Variants in SEMA3A observed in about 807,000 individuals in gnomAD.
The protein encoded by SEMA3A is semaphorin-3A.
SEMA3A carries 29 observed loss-of-function variants against 97.9 expected under a neutral mutation model. That is an observed-to-expected ratio of 0.30 (90% CI 0.22 to 0.40). The LOEUF is 0.40. Among genes scored for constraint, SEMA3A ranks in the 10% least tolerant of loss-of-function variants. The probability of loss-of-function intolerance (pLI) is 1.00; values close to 1 mark genes in which losing one functional copy is unlikely to be tolerated. For missense variants in SEMA3A, 763 were observed against 951.3 expected (o/e 0.80, Z 2.60); for synonymous variants, 321 against 323.7 (o/e 0.99, Z 0.09).
chr7:84,449,298 C>T (rs951124096), intron 1 of SEMA3A, among the ~76,000 whole-genome samples: 22 of 152,026 alleles, frequency 1.4e-4, no homozygotes, highest in Non-Finnish European at 2.8e-4. Flanking sequence ...AATCACTTAT[C>T]CAAGCAGCCA....
chr7:84,234,588 A>T, intron 3 of SEMA3A, among the ~76,000 whole-genome samples: 1 of 151,936 alleles, frequency 6.6e-6, no homozygotes, highest in East Asian at 1.9e-4. Context: ...GGAGTCTTTG[A>T]ACCATACCCT....
rs34970127 is a variant in SEMA3A, at chr7:84,432,860, ATTTTT to A, written c.-246+59595_-246+59599del. On this transcript the variant is annotated intron_variant, in intron 1 of 3. Coordinates refer to the SEMA3A transcript ENST00000424555. ...TGCTGTGATGAACATACAAATGTGA[ATTTTT>A]TTTTTTTTTTTTGTAGAACAATTTA... 1.1e-4 allele frequency among the ~76,000 whole-genome samples: 15 copies of A among 138,942 alleles called. 1 individual carries two copies. The highest frequency in any genetic ancestry group is 3.9e-4 in the African/African-American group (15 of 38,044). The allele number at this position is 138,942 out of a possible 152,430, so 91.2% of individuals were successfully genotyped here.
At chr7:84,027,366 A>T (rs1319255664) in intron 6 of SEMA3A, among the ~76,000 whole-genome samples, 1 of 152,168 alleles carries the variant, frequency 6.6e-6, no homozygotes, top group Non-Finnish European at 1.5e-5. Flanking sequence ...TTTCAAATAT[A>T]TTTCACGAGT....
Position 84,046,303 on chromosome 7 carries a change from G to GATA in SEMA3A, c.667+20_667+21insTAT, listed in dbSNP as rs1562994067. On this transcript the variant is annotated intron_variant, in intron 6 of 16. Transcript: ENST00000265362. ...ACAGTTACACATGTTACATGTCTATGTTCTTTCATAAACCACCTACCATTG... is the reference window on the plus strand; with the variant it reads ...ACAGTTACACATGTTACATGTCTATGATATTCTTTCATAAACCACCTACCATTG... The GATA allele has an allele frequency of 3.7e-6, 6 of 1,611,834 alleles. No individual in the cohort carries two copies. The East Asian group carries it at 1.3e-4, about 36-fold the overall frequency.
chr7:84,164,866 T>C lies in SEMA3A; in HGVS notation c.112+29609A>G, dbSNP rs543293845. Among the ~76,000 whole-genome samples the C allele has an allele frequency of 5.3e-5, 8 of 152,262 alleles. No homozygotes were observed. In the East Asian group the frequency reaches 1.5e-3, roughly 29 times the overall value. On this transcript the variant is annotated intron_variant, in intron 1 of 16. Transcript: ENST00000265362. The stretch of plus-strand genomic sequence containing the variant: ...AAGAATCTGCATTTTAATATAATTA[T>C]ATAAAGAGCTCACCAAGGAAAATTA...
At chr7:83,977,796 T>TC (rs985624951) in intron 14 of SEMA3A, among the ~76,000 whole-genome samples, 2 of 151,054 alleles carry the variant, frequency 1.3e-5, no homozygotes, top group African/African-American at 4.8e-5. Flanking sequence ...TCCTTTTTTT[T>TC]TTTCTTTCTT....
At chr7:84,323,562 A>G (rs939020745) in intron 2 of SEMA3A, among the ~76,000 whole-genome samples, 5 of 152,128 alleles carry the variant, frequency 3.3e-5, no homozygotes, top group African/African-American at 1.2e-4. Flanking sequence ...AAAACGAGTA[A>G]ATTTTGAGTG....
intron 3 of SEMA3A, among the ~76,000 whole-genome samples, chr7:84,284,570 T>C (rs963708686): frequency 6.6e-6 from 1 of 152,150 alleles, no homozygotes; most frequent in Non-Finnish European, 1.5e-5. Context: ...CTCCTAGAAC[T>C]CATCAAAATG....
intron 3 of SEMA3A, among the ~76,000 whole-genome samples, chr7:84,230,210 C>T (rs1799087872): frequency 6.6e-6 from 1 of 151,924 alleles, no homozygotes; most frequent in South Asian, 2.1e-4. Flanking sequence ...AATTGAGTCA[C>T]TCTCTCTCTT....
chr7:84,434,634 C>T (rs1805076196), intron 1 of SEMA3A, among the ~76,000 whole-genome samples: 1 of 152,102 alleles, frequency 6.6e-6, no homozygotes, highest in Non-Finnish European at 1.5e-5. Context: ...AAATCAAATC[C>T]AGCAGCATGT....
intron 2 of SEMA3A, among the ~76,000 whole-genome samples, chr7:84,362,001 T>A (rs1584265374): frequency 6.6e-6 from 1 of 152,144 alleles, no homozygotes; most frequent in Non-Finnish European, 1.5e-5. Context: ...AAAATTACTC[T>A]AAGTATAGAT....
chr7:84,395,188 G>A (rs539057764), intron 1 of SEMA3A, among the ~76,000 whole-genome samples: 78 of 152,108 alleles, frequency 5.1e-4, no homozygotes, highest in Non-Finnish European at 3.7e-4. Flanking sequence ...ATTTATTACC[G>A]TAACATAGTT....
chr7:83,974,947 C>T (rs1258159382), intron 15 of SEMA3A, among the ~76,000 whole-genome samples: 1 of 152,130 alleles, frequency 6.6e-6, no homozygotes, highest in Non-Finnish European at 1.5e-5. Context: ...ACTTTCTCTT[C>T]TCTCTCCAGT....
intron 3 of SEMA3A, among the ~76,000 whole-genome samples, chr7:84,201,835 A>G (rs1467380182): frequency 6.6e-6 from 1 of 152,126 alleles, no homozygotes; most frequent in Non-Finnish European, 1.5e-5. Context: ...TGAGGACTTA[A>G]GTGACAATGT....
At chr7:83,962,995 A>G (rs907072483) in intron 16 of SEMA3A, among the ~76,000 whole-genome samples, 2 of 152,138 alleles carry the variant, frequency 1.3e-5, no homozygotes, top group Non-Finnish European at 2.9e-5. Context: ...AGAAACTCTT[A>G]CCAGGTTACC....
intron 1 of SEMA3A, among the ~76,000 whole-genome samples, chr7:84,476,987 A>G (rs1160025503): frequency 6.6e-6 from 1 of 151,550 alleles, no homozygotes; most frequent in Non-Finnish European, 1.5e-5. Context: ...GCTAAAGGAA[A>G]GAGACTTATC....
chr7:84,184,369 G>T (rs932335360), intron 1 of SEMA3A, among the ~76,000 whole-genome samples: 5 of 152,136 alleles, frequency 3.3e-5, no homozygotes, highest in Admixed American at 3.3e-4. Context: ...TGAACACGGG[G>T]ATCATGTGGT....
chr7:84,180,204 C>T (rs1797699126), intron 1 of SEMA3A, among the ~76,000 whole-genome samples: 1 of 151,210 alleles, frequency 6.6e-6, no homozygotes, highest in Admixed American at 6.6e-5. Context: ...CCTCGGCCTC[C>T]CAAAGTCCTG....
chr7:84,111,182 T>G (rs1197108552), intron 3 of SEMA3A, among the ~76,000 whole-genome samples: 1 of 152,166 alleles, frequency 6.6e-6, no homozygotes, highest in Non-Finnish European at 1.5e-5. Flanking sequence ...TCTACTTTCT[T>G]TTTTCTATAA....
Sources: gnomAD v4.1 joint callset for allele counts (sites outside exome capture counted in the v4.1 genomes callset) on GRCh38, gnomAD v4.1.1 for gene constraint, MANE v1.5 for transcripts, NCBI Gene and HGNC (gene_info 2026-07-23, HGNC 2026-07-21) for gene names.